NEO1: variants seen among roughly 807,000 people sequenced by gnomAD.
NEO1 encodes the protein neogenin.
In NEO1, 63 loss-of-function variants were observed where a neutral mutation model predicts 159.7. The ratio of observed to expected loss-of-function variants is 0.39; its 90% CI spans 0.32 to 0.49. NEO1 has a LOEUF of 0.49. NEO1 is among the 20% of genes least tolerant of loss of function. The probability of loss-of-function intolerance (pLI) is 0.85; values close to 1 mark genes in which losing one functional copy is unlikely to be tolerated. For synonymous variants in NEO1, 633 were observed against 662.0 expected (o/e 0.96, Z 0.67); for missense variants, 1,615 against 1,831.0 (o/e 0.88, Z 2.15).
chr15:73,172,566 C>G (rs1294158157), intron 5 of NEO1, among the ~76,000 whole-genome samples: 5 of 152,158 alleles, frequency 3.3e-5, no homozygotes. Flanking sequence ...AGTGGTAGAA[C>G]CAGAACTCAA....
At chr15:73,244,288 A>G (rs895075244) in intron 8 of NEO1, 56 bp from the exon 9 acceptor site, 3 of 1,541,240 alleles carry the variant, frequency 1.9e-6, no homozygotes, top group East Asian at 4.6e-5. Flanking sequence ...ATGAAACTGT[A>G]CATTCTGGAA....
intron 7 of NEO1, among the ~76,000 whole-genome samples, chr15:73,179,537 A>C (rs1208343220): frequency 1.3e-5 from 2 of 152,216 alleles, no homozygotes; most frequent in Non-Finnish European, 2.9e-5. Context: ...GGAGGCTGCC[A>C]GGGTAGTACA....
intron 9 of NEO1, among the ~76,000 whole-genome samples, chr15:73,246,391 C>T (rs977294642): frequency 1.3e-5 from 2 of 152,160 alleles, no homozygotes; most frequent in Admixed American, 6.5e-5. Flanking sequence ...TTGAATTTTA[C>T]AGTTACCTAT....
intron 1 of NEO1, among the ~76,000 whole-genome samples, chr15:73,088,516 A>C (rs904877272): frequency 8.5e-5 from 13 of 152,104 alleles, no homozygotes; most frequent in Non-Finnish European, 1.8e-4. Context: ...TTGTGATGGA[A>C]AGTAAAGAGG....
intron 23 of NEO1, among the ~76,000 whole-genome samples, chr15:73,285,977 A>G (rs1200124265): frequency 6.6e-6 from 1 of 152,094 alleles, no homozygotes; most frequent in Non-Finnish European, 1.5e-5. Flanking sequence ...TCTCCAGCAT[A>G]GCTGACCTCT....
chr15:73,286,279 C>G (rs1164903249), intron 23 of NEO1, among the ~76,000 whole-genome samples: 1 of 152,202 alleles, frequency 6.6e-6, no homozygotes. Context: ...TTGCTAAAGC[C>G]AAAGAACATT....
chr15:73,261,582 A>C (rs2040621151), intron 15 of NEO1, among the ~76,000 whole-genome samples: 1 of 152,208 alleles, frequency 6.6e-6, no homozygotes, highest in African/African-American at 2.4e-5. Context: ...AATAGCATCA[A>C]AAAATATGAA....
At chr15:73,158,208 CTTTTTT>C (rs1047852394) in intron 5 of NEO1, among the ~76,000 whole-genome samples, 4 of 82,550 alleles carry the variant, frequency 4.8e-5, no homozygotes, top group South Asian at 5.7e-4. Context: ...GAGTGAGACT[CTTTTTT>C]TTTTTTTTTT....
At chr15:73,061,398 A>G (rs1446431766) in intron 1 of NEO1, among the ~76,000 whole-genome samples, 1 of 152,024 alleles carries the variant, frequency 6.6e-6, no homozygotes, top group African/African-American at 2.4e-5. Context: ...GCTGTCTGGG[A>G]GATAGATCTT....
At chr15:73,088,729 C>G (rs2069506742) in intron 1 of NEO1, among the ~76,000 whole-genome samples, 1 of 151,720 alleles carries the variant, frequency 6.6e-6, no homozygotes, top group African/African-American at 2.4e-5. Context: ...AGTCTCAACA[C>G]AAAATGAAGG....
intron 2 of NEO1, among the ~76,000 whole-genome samples, chr15:73,122,061 G>GTATA (rs1449957279): frequency 3.1e-5 from 2 of 63,728 alleles, no homozygotes; most frequent in Non-Finnish European, 7.9e-5. Flanking sequence ...GTGTGTGTGT[G>GTATA]TGTATATATA....
intron 2 of NEO1, among the ~76,000 whole-genome samples, chr15:73,120,419 T>G (rs1175390796): frequency 6.6e-6 from 1 of 151,042 alleles, no homozygotes; most frequent in Non-Finnish European, 1.5e-5. Context: ...AAGAAAAAGT[T>G]TATTGCAGGG....
chr15:73,085,474 T>A (rs980816672), intron 1 of NEO1, among the ~76,000 whole-genome samples: 1 of 152,192 alleles, frequency 6.6e-6, no homozygotes, highest in Non-Finnish European at 1.5e-5. Context: ...CATGTTTTCA[T>A]TTCTCTAGGG....
Position 73,273,475 on chromosome 15 carries a change from G to A in NEO1, c.2966-336G>A, listed in dbSNP as rs547143268. Among the ~76,000 whole-genome samples the A allele has an allele frequency of 5.5e-4, 84 of 152,256 alleles. 2 individuals are homozygous for A. The South Asian group carries it at 0.016, about 28-fold the overall frequency. On this transcript the variant is annotated intron_variant, in intron 19 of 28. Transcript: ENST00000261908. Reference sequence around the variant, plus strand: ...TTTGTCTTTTAAAACCGGCAACAGCGCAGTGCCCTTTTGCTGTGGGTCAGA... The same window carrying A: ...TTTGTCTTTTAAAACCGGCAACAGCACAGTGCCCTTTTGCTGTGGGTCAGA...
chr15:73,201,430 T>G (rs2036878292), intron 7 of NEO1, among the ~76,000 whole-genome samples: 1 of 152,112 alleles, frequency 6.6e-6, no homozygotes, highest in Non-Finnish European at 1.5e-5. Flanking sequence ...AAAACATACT[T>G]TGTATGATTT....
chr15:73,178,740 CT>C (rs1256755932), intron 7 of NEO1, among the ~76,000 whole-genome samples: 1 of 151,926 alleles, frequency 6.6e-6, no homozygotes, highest in African/African-American at 2.4e-5. Flanking sequence ...AGAAAAACTT[CT>C]TTTTTTTCCA....
At chr15:73,165,866 G>A (rs2034535760) in intron 5 of NEO1, among the ~76,000 whole-genome samples, 1 of 152,196 alleles carries the variant, frequency 6.6e-6, no homozygotes, top group Non-Finnish European at 1.5e-5. Context: ...CTCCTAATGT[G>A]CATGCAGGCG....
intron 1 of NEO1, among the ~76,000 whole-genome samples, chr15:73,108,721 C>G (rs67928653): frequency 0.15 from 22,413 of 152,134 alleles, 2,567 homozygotes; most frequent in African/African-American, 0.31. Context: ...GGACTAGGAT[C>G]TCTTCAGAAA....
At position 73,187,917 on chromosome 15, in the gene NEO1, C is replaced by G. The variant is rs527809334; in HGVS notation, c.1291+9490C>G. Among the ~76,000 whole-genome samples, 5 of 152,240 alleles carry G rather than the reference C, an allele frequency of 3.3e-5. No individual in the cohort carries two copies. The South Asian group carries it at 1.0e-3, about 32-fold the overall frequency. On this transcript the variant is annotated intron_variant, in intron 7 of 28. Transcript: ENST00000261908. ...AACATTATATTCTACGTTGGAAATTCGCAATGCTAATGAACACAAATGGAA... is the reference window on the plus strand; with the variant it reads ...AACATTATATTCTACGTTGGAAATTGGCAATGCTAATGAACACAAATGGAA...
Sources: allele counts gnomAD v4.1 joint callset (sites outside exome capture counted in the v4.1 genomes callset), GRCh38; gene constraint gnomAD v4.1.1; transcripts MANE v1.5; gene names NCBI Gene and HGNC (gene_info 2026-07-23, HGNC 2026-07-21).